Variants in ANKRD22 observed in about 807,000 individuals in gnomAD.
ANKRD22 encodes ankyrin repeat domain 22.
Under a neutral mutation model 25.7 loss-of-function variants are expected in ANKRD22, and 24 were observed. That is an observed-to-expected ratio of 0.93 (90% CI 0.68 to 1.31). The LOEUF is 1.31. Ranked by LOEUF, ANKRD22 falls within the 50% of genes most tolerant of loss-of-function variation. The pLI is 0.00. For missense variants in ANKRD22, 214 were observed against 227.1 expected (o/e 0.94, Z 0.37); for synonymous variants, 84 against 84.3 (o/e 1.00, Z 0.02).
At chr10:88,840,422 C>T (rs185659946) in intron 1 of ANKRD22, among the ~76,000 whole-genome samples, 2 of 152,214 alleles carry the variant, frequency 1.3e-5, no homozygotes, top group Admixed American at 1.3e-4. Flanking sequence ...CAACTTGTAC[C>T]ACTATGGATG....
rs1843809107 is a variant in ANKRD22 at position 88,822,544 on chromosome 10, C to CTTTTTTTTTTTTTTTTTTGTTTTTTTTTT, written c.*396_*397insAAAAAAAAAACAAAAAAAAAAAAAAAAAA. 2.7e-5 allele frequency: 1 copy of CTTTTTTTTTTTTTTTTTTGTTTTTTTTTT among 36,438 alleles called. No homozygotes were observed. Among genetic ancestry groups the CTTTTTTTTTTTTTTTTTTGTTTTTTTTTT allele is most frequent in the African/African-American group, 8.0e-5 (1 of 12,514 alleles). 2.3% of individuals were successfully genotyped at this position (36,438 alleles called of 1,614,324 possible). A position where few individuals can be genotyped will look rare whatever the true frequency, so the allele number is the denominator to read the frequency against. ...AAAGACTGAGTTTGGAACACCAGGG[C>CTTTTTTTTTTTTTTTTTTGTTTTTTTTTT]TTTTTTTTTTTTTTTTTTTTTTGAG... On this transcript the variant is annotated 3_prime_UTR_variant, in exon 6 of 6. Transcript: ENST00000371930.
chr10:88,820,664 A>C lies in ANKRD22; in HGVS notation c.*2277T>G, dbSNP rs1843782797. On this transcript the variant is annotated 3_prime_UTR_variant, in exon 6 of 6. Transcript: ENST00000371930. ...TTTACATTTTTTTTCTGTAAATTAA[A>C]GTACTTATTAGGTAAATAGAGGTTT... 1 of 669,922 alleles carries C rather than the reference A, an allele frequency of 1.5e-6. No homozygotes were observed. Among genetic ancestry groups the C allele is most frequent in the African/African-American group, 1.8e-5 (1 of 55,198 alleles). The allele number at this position is 669,922 out of a possible 1,614,324, so 41.5% of individuals were successfully genotyped here.
intron 2 of ANKRD22, among the ~76,000 whole-genome samples, chr10:88,831,069 T>G (rs1843898992): frequency 6.6e-6 from 1 of 152,162 alleles, no homozygotes; most frequent in Non-Finnish European, 1.5e-5. Context: ...CAAGGGGGGA[T>G]TTCCAGTGTT....
Position 88,820,525 on chromosome 10 carries a change from G to A in ANKRD22, c.*2416C>T. The A allele has an allele frequency of 6.5e-7, 1 of 1,541,886 alleles. No individual in the cohort carries two copies. Among genetic ancestry groups the A allele is most frequent in the Non-Finnish European group, 8.7e-7 (1 of 1,143,532 alleles). On this transcript the variant is annotated 3_prime_UTR_variant, in exon 6 of 6. Transcript: ENST00000371930. ...GAAGCATCTGACACTGACGATCTTA[G>A]GACAACCTCCTGAGGGATGGGGCTA...
intron 4 of ANKRD22, among the ~76,000 whole-genome samples, chr10:88,825,007 T>TCACACACACACACACACACACA (rs568461484): frequency 8.7e-6 from 1 of 115,448 alleles, no homozygotes; most frequent in East Asian, 2.5e-4. Flanking sequence ...TCTCTCTCTC[T>TCACACACACACACACACACACA]CTCTCACACA....
Position 88,821,944 on chromosome 10 carries a change from GCT to G in ANKRD22, c.*995_*996del, listed in dbSNP as rs1799551168. Among the ~76,000 whole-genome samples, 1 of 152,164 alleles carries G rather than the reference GCT, an allele frequency of 6.6e-6. No individual in the cohort carries two copies. The highest frequency in any genetic ancestry group is 2.4e-5 in the African/African-American group (1 of 41,432). On this transcript the variant is annotated 3_prime_UTR_variant, in exon 6 of 6. Coordinates refer to ENST00000371930, the MANE Select transcript of ANKRD22 (RefSeq NM_144590.3). ...AATCCAGATCCTACCTCATTGTATAGCTCTGTTTCTTTTGAAGAACTTTATCC... is the reference window on the plus strand; with the variant it reads ...AATCCAGATCCTACCTCATTGTATAGCTGTTTCTTTTGAAGAACTTTATCC...
chr10:88,849,957 C>A (rs1020954775), intron 1 of ANKRD22, among the ~76,000 whole-genome samples: 6 of 151,666 alleles, frequency 4.0e-5, no homozygotes, highest in African/African-American at 1.5e-4. Flanking sequence ...AAAATGATAA[C>A]CCTATGTCCC....
chr10:88,851,262 CTGAG>C (rs1844101934), intron 1 of ANKRD22, among the ~76,000 whole-genome samples: 1 of 152,130 alleles, frequency 6.6e-6, no homozygotes. Context: ...CTCTTTTTCT[CTGAG>C]TGTTTGTCAT....
At chr10:88,829,999 G>A (rs1412051444) in intron 2 of ANKRD22, among the ~76,000 whole-genome samples, 2 of 148,934 alleles carry the variant, frequency 1.3e-5, no homozygotes, top group Admixed American at 6.6e-5. Context: ...ATGTTGCCTA[G>A]GCAGGTCTTG....
At chr10:88,840,974 G>A (rs895549408) in intron 1 of ANKRD22, among the ~76,000 whole-genome samples, 3 of 152,130 alleles carry the variant, frequency 2.0e-5, no homozygotes, top group Admixed American at 6.6e-5. Context: ...TGGCTGGAAC[G>A]TGTAGAGAAG....
At chr10:88,837,284 T>G (rs1843963168) in intron 1 of ANKRD22, among the ~76,000 whole-genome samples, 1 of 152,222 alleles carries the variant, frequency 6.6e-6, no homozygotes, top group East Asian at 1.9e-4. Flanking sequence ...AAGAATTAAA[T>G]GTAACTGTGC....
intron 1 of ANKRD22, among the ~76,000 whole-genome samples, chr10:88,845,236 A>G (rs1308258685): frequency 6.6e-6 from 1 of 152,126 alleles, no homozygotes; most frequent in African/African-American, 2.4e-5. Flanking sequence ...CTTGAGTGTT[A>G]CAAGCTCCAA....
rs1429940409 is a variant in ANKRD22, at chr10:88,825,003, T to TCACACA, written c.399+1034_399+1035insTGTGTG. Among the ~76,000 whole-genome samples, 877 of 91,154 alleles carry TCACACA rather than the reference T, an allele frequency of 9.6e-3. 7 individuals carry two copies. The highest frequency in any genetic ancestry group is 0.017 in the African/African-American group (544 of 32,004). 59.8% of individuals were successfully genotyped at this position (91,154 alleles called of 152,430 possible). ...TTCTTTTGCTCTCTCTCTCTCTCTC[T>TCACACA]CTCTCTCTCACACACACACACACAC... On this transcript the variant is annotated intron_variant, in intron 4 of 5. Transcript: ENST00000371930.
chr10:88,831,844 G>T lies in ANKRD22; in HGVS notation c.204C>A (p.Leu68=), dbSNP rs1843906286. ...CATGTCATGACCTCACCTGGTTTTT[G>T]AGGTTGACATTAGCATTTCTTCTTA... ...FLLRRNANVN[L]KNQKERTCLH... is the part of the protein sequence containing the mutation. The change falls in exon 2 of 6, where the codon CTC becomes CTA. Residue 68 remains leucine (L), a synonymous_variant. Transcript: ENST00000371930. 6.2e-7 allele frequency: 1 copy of T among 1,605,182 alleles called. No homozygotes were observed. The highest frequency in any genetic ancestry group is 1.1e-5 in the South Asian group (1 of 89,660).
intron 2 of ANKRD22, among the ~76,000 whole-genome samples, chr10:88,829,976 C>A (rs186730752): frequency 5.4e-5 from 8 of 147,688 alleles, no homozygotes; most frequent in Non-Finnish European, 1.2e-4. Flanking sequence ...TGTAGAGATG[C>A]GGGGGTCTTG....
intron 1 of ANKRD22, among the ~76,000 whole-genome samples, chr10:88,844,007 T>A (rs939136020): frequency 6.6e-6 from 1 of 152,110 alleles, no homozygotes; most frequent in Non-Finnish European, 1.5e-5. Flanking sequence ...TTTTAAAAAT[T>A]ATAATACTTC....
At position 88,822,543 on chromosome 10, in the gene ANKRD22, G is replaced by GGTTTTTTTTTTTTTTTTTTTTT. The variant is rs1491462149; in HGVS notation, c.*397_*398insAAAAAAAAAAAAAAAAAAAAAC. 2 of 19,724 alleles carry GGTTTTTTTTTTTTTTTTTTTTT rather than the reference G, an allele frequency of 1.0e-4. No homozygotes were observed. Among genetic ancestry groups the GGTTTTTTTTTTTTTTTTTTTTT allele is most frequent in the Non-Finnish European group, 8.0e-5 (1 of 12,578 alleles). The allele number at this position is 19,724 out of a possible 1,614,324, so 1.2% of individuals were successfully genotyped here. ...GAAAGACTGAGTTTGGAACACCAGG[G>GGTTTTTTTTTTTTTTTTTTTTT]CTTTTTTTTTTTTTTTTTTTTTTGA... On this transcript the variant is annotated 3_prime_UTR_variant, in exon 6 of 6. Transcript: ENST00000371930.
chr10:88,838,240 G>A (rs927743253), intron 1 of ANKRD22, among the ~76,000 whole-genome samples: 4 of 152,284 alleles, frequency 2.6e-5, no homozygotes, highest in African/African-American at 9.6e-5. Context: ...GTGAGTTTGT[G>A]ATTTTCTTCA....
In ANKRD22 at chr10:88,821,604, A is replaced by G. The variant is rs1564600935; in HGVS notation, c.*1337T>C. On this transcript the variant is annotated 3_prime_UTR_variant, in exon 6 of 6. Transcript: ENST00000371930. ...TTAATTTATTAAGACACGTTTAAAG[A>G]CTTCAGAATCTATATCTACACACTA... Among the ~76,000 whole-genome samples, 1 of 152,002 alleles carries G rather than the reference A, an allele frequency of 6.6e-6. No individual in the cohort carries two copies. Among genetic ancestry groups the G allele is most frequent in the Admixed American group, 6.5e-5 (1 of 15,272 alleles).
Sources: gnomAD v4.1 joint callset for allele counts (sites outside exome capture counted in the v4.1 genomes callset) on GRCh38, gnomAD v4.1.1 for gene constraint, MANE v1.5 for transcripts, NCBI Gene and HGNC (gene_info 2026-07-23, HGNC 2026-07-21) for gene names.